AKAP8L: variants seen among roughly 807,000 people sequenced by gnomAD.
AKAP8L encodes the protein A-kinase anchoring protein 8 like, also known as A-kinase anchor protein 8-like.
AKAP8L carries 34 observed loss-of-function variants against 77.5 expected under a neutral mutation model. The observed-to-expected ratio is 0.44, with a 90% confidence interval of 0.33 to 0.58. The LOEUF is 0.58. AKAP8L is among the 20% of genes least tolerant of loss of function. The pLI, the probability that AKAP8L is intolerant of heterozygous loss-of-function variation, is 0.02. For missense variants in AKAP8L, 806 were observed against 887.6 expected, an observed-to-expected ratio of 0.91 and a Z score of 1.17; for synonymous variants, 342 against 340.7, an observed-to-expected ratio of 1.00 and a Z score of -0.04.
At chr19:15,409,596 C>T (rs549338851) in intron 2 of AKAP8L, among the ~76,000 whole-genome samples, 1 of 152,156 alleles carries the variant, frequency 6.6e-6, no homozygotes, top group Non-Finnish European at 1.5e-5. Flanking sequence ...GACATTATCC[C>T]TGTTAATTCC....
intron 12 of AKAP8L, among the ~76,000 whole-genome samples, chr19:15,388,128 G>C (rs1406299311): frequency 6.6e-6 from 1 of 152,052 alleles, no homozygotes; most frequent in Non-Finnish European, 1.5e-5. Flanking sequence ...GAAAAAGAGC[G>C]AGCCCATGGC....
In AKAP8L at chr19:15,398,803, G is replaced by C; in HGVS notation, c.1157+499C>G. The C allele has an allele frequency of 9.9e-7, 1 of 1,005,776 alleles. No individual in the cohort carries two copies. Among genetic ancestry groups the C allele is most frequent in the Non-Finnish European group, 1.2e-6 (1 of 842,584 alleles). 62.3% of individuals were successfully genotyped at this position (1,005,776 alleles called of 1,614,324 possible). On this transcript the variant is annotated intron_variant, in intron 9 of 13. Coordinates refer to ENST00000397410, the MANE Select transcript of AKAP8L (RefSeq NM_014371.4). The surrounding 1 kb of genome is among the most constrained non-coding windows in gnomAD (Gnocchi z 9.2). Reference sequence around the variant, plus strand: ...CAGACCCGACCAAGGGGCGTGAAGGGCTCAGCCGCAGACAGGCCCGGCCTG... The same window carrying C: ...CAGACCCGACCAAGGGGCGTGAAGGCCTCAGCCGCAGACAGGCCCGGCCTG...
intron 2 of AKAP8L, among the ~76,000 whole-genome samples, chr19:15,406,362 G>GGCGAGAGA (rs1555700853): frequency 1.1e-5 from 1 of 89,380 alleles, no homozygotes; most frequent in Non-Finnish European, 2.1e-5. Flanking sequence ...GAAATTTTAA[G>GGCGAGAGA]GAGAGAGAGA....
intron 1 of AKAP8L, among the ~76,000 whole-genome samples, chr19:15,412,940 C>A (rs1397491860): frequency 1.3e-5 from 2 of 152,200 alleles, no homozygotes; most frequent in East Asian, 1.9e-4. Flanking sequence ...CAACTCATGA[C>A]CTGAAAATTA....
At position 15,397,182 on chromosome 19, in the gene AKAP8L, G is replaced by T; in HGVS notation, c.1504C>A (p.Leu502Met). 1 of 1,613,972 alleles carries T rather than the reference G, an allele frequency of 6.2e-7. No homozygotes were observed. The highest frequency in any genetic ancestry group is 8.5e-7 in the Non-Finnish European group (1 of 1,179,898). The change falls in exon 12 of 14, where the codon CTG becomes ATG. Residue 502 changes from leucine (L) to methionine (M), a missense_variant. This residue lies in a region of AKAP8L where 580 missense variants were observed against 694.1 expected (regional missense o/e 0.84). Coordinates refer to ENST00000397410, the MANE Select transcript of AKAP8L (RefSeq NM_014371.4). This position sits in a 1 kb window ranked among gnomAD's most constrained non-coding sequence, Gnocchi z 4.7. ...PMQFGIIQKH[L>M]KTMDHNRNRR... ...TTCCGGTTGTGATCCATGGTCTTCA[G>T]ATGCTTCTGGATGATCCCAAACTGC...
Position 15,397,467 on chromosome 19 carries a change from A to G in AKAP8L, c.1405+53T>C. ...GTGTCCTGACCCTGCACCGAAAATCAGGAGTGCAGGCTGAGGCCTTGCCTG... is the reference window on the plus strand; with the variant it reads ...GTGTCCTGACCCTGCACCGAAAATCGGGAGTGCAGGCTGAGGCCTTGCCTG... On this transcript the variant is annotated intron_variant, in intron 11 of 13. Coordinates refer to ENST00000397410, the MANE Select transcript of AKAP8L (RefSeq NM_014371.4). The surrounding 1 kb of genome is among the most constrained non-coding windows in gnomAD (Gnocchi z 4.7). 6.5e-7 allele frequency: 1 copy of G among 1,544,192 alleles called. No individual in the cohort carries two copies. Among genetic ancestry groups the G allele is most frequent in the East Asian group, 2.3e-5 (1 of 44,398 alleles).
rs1967841813 is a variant in AKAP8L at position 15,399,325 on chromosome 19, C to A, written c.1134G>T (p.Arg378=). Residue 378 remains arginine (R), a synonymous_variant, in exon 9 of 14, where the codon CGG becomes CGT. Transcript: ENST00000397410. This position sits in a 1 kb window ranked among gnomAD's most constrained non-coding sequence, Gnocchi z 6.1. The part of the protein sequence containing the change: ...GKKSQDKQKK[R]QRDRMVERIQ... ...ACCTTTCCACCATGCGGTCTCGCTG[C>A]CGCTTTTTCTGCTTGTCCTGACTCT... The A allele has an allele frequency of 6.2e-7, 1 of 1,613,768 alleles. No homozygotes were observed. Among genetic ancestry groups the A allele is most frequent in the Non-Finnish European group, 8.5e-7 (1 of 1,179,838 alleles).
At chr19:15,392,039 G>A (rs1967674363) in intron 12 of AKAP8L, among the ~76,000 whole-genome samples, 1 of 152,164 alleles carries the variant, frequency 6.6e-6, no homozygotes, top group Non-Finnish European at 1.5e-5. Context: ...TCACTATGTT[G>A]CCCATGCTGG....
At chr19:15,380,870 C>T (rs1689051335) in intron 12 of AKAP8L, 1 of 500,846 alleles carries the variant, frequency 2.0e-6, no homozygotes, top group Non-Finnish European at 3.6e-6. Context: ...GGCTGTATTA[C>T]AGAAATCTGA....
At position 15,418,970 on chromosome 19, in the gene AKAP8L, G is replaced by A. The variant is rs767183355; in HGVS notation, c.-47C>T. The A allele has an allele frequency of 1.1e-5, 17 of 1,603,094 alleles. No homozygotes were observed. Among genetic ancestry groups the A allele is most frequent in the Non-Finnish European group, 1.4e-5 (17 of 1,179,150 alleles). On this transcript the variant is annotated 5_prime_UTR_variant, in exon 1 of 14. Transcript: ENST00000397410. ...CGACGACGCCGGCTTCTGCTGCTCT[G>A]AACATCCGACGCTGCGATAGCTGCT...
intron 12 of AKAP8L, 80 bp from the exon 13 acceptor site, chr19:15,380,692 G>T: frequency 1.5e-6 from 2 of 1,374,692 alleles, no homozygotes; most frequent in Non-Finnish European, 1.0e-6. Context: ...CAGCTTAGAG[G>T]GACCCCACCC....
At chr19:15,411,803 A>G (rs569298248) in intron 1 of AKAP8L, among the ~76,000 whole-genome samples, 53 of 152,292 alleles carry the variant, frequency 3.5e-4, no homozygotes, top group African/African-American at 1.1e-3. Context: ...CTGTACTCAC[A>G]GTACTTTGGG....
intron 2 of AKAP8L, among the ~76,000 whole-genome samples, chr19:15,406,131 G>A (rs878970447): frequency 6.6e-6 from 1 of 152,002 alleles, no homozygotes; most frequent in Non-Finnish European, 1.5e-5. Flanking sequence ...GGCCTCCCAC[G>A]ATGGGCAACT....
intron 2 of AKAP8L, among the ~76,000 whole-genome samples, chr19:15,408,215 T>C (rs7246395): frequency 0.8 from 120,915 of 152,048 alleles, 48,323 homozygotes; most frequent in East Asian, 0.99. Flanking sequence ...AGTCCAGAAA[T>C]AGACCCACAG....
At chr19:15,395,938 C>G (rs1311094665) in intron 12 of AKAP8L, among the ~76,000 whole-genome samples, 1 of 124,690 alleles carries the variant, frequency 8.0e-6, no homozygotes, top group African/African-American at 3.1e-5. Context: ...GAGCCGAGAT[C>G]GCGCCACTGC....
chr19:15,416,629 C>T (rs906531108), intron 1 of AKAP8L, among the ~76,000 whole-genome samples: 2 of 152,182 alleles, frequency 1.3e-5, no homozygotes, highest in South Asian at 2.1e-4. Flanking sequence ...AGTGAAATCA[C>T]CTATCCATTC....
chr19:15,380,407 G>T lies in AKAP8L; in HGVS notation c.1656C>A (p.Ser552Arg), dbSNP rs1425222189. The T allele has an allele frequency of 6.3e-7, 1 of 1,596,896 alleles. No homozygotes were observed. Among genetic ancestry groups the T allele is most frequent in the Middle Eastern group, 1.7e-4 (1 of 6,044 alleles). Residue 552 changes from serine to arginine, a missense_variant, in exon 14 of 14, where the codon AGC becomes AGA. Around this residue, in one of 2 missense-constraint regions of AKAP8L, gnomAD observed 226 missense variants for 193.5 expected, o/e 1.17. Transcript: ENST00000397410. ...YLKGENPFTDSPEEEKEQEEA... is the reference protein window; with the variant it reads ...YLKGENPFTDRPEEEKEQEEA... ...CCTCCTGCTCCTTCTCCTCCTCGGG[G>T]CTGTCGGTGAAAGGGTTCTCGCCCT... is the stretch of plus-strand genomic sequence containing the variant.
At chr19:15,415,897 C>CA (rs60781424) in intron 1 of AKAP8L, among the ~76,000 whole-genome samples, 2 of 149,404 alleles carry the variant, frequency 1.3e-5, no homozygotes, top group Non-Finnish European at 3.0e-5. Flanking sequence ...AAAAAAAAAA[C>CA]AAAAAAAAAA....
intron 12 of AKAP8L, among the ~76,000 whole-genome samples, chr19:15,386,808 G>A (rs1380075515): frequency 2.0e-5 from 3 of 152,104 alleles, no homozygotes; most frequent in South Asian, 2.1e-4. Flanking sequence ...ACAAGTGCCC[G>A]CCACCAAGCC....
Sources: allele counts gnomAD v4.1 joint callset (sites outside exome capture counted in the v4.1 genomes callset), GRCh38; gene constraint gnomAD v4.1.1; regional missense constraint gnomAD v4.1.1; non-coding constraint Gnocchi (gnomAD v3.1); transcripts MANE v1.5; gene names NCBI Gene and HGNC (gene_info 2026-07-23, HGNC 2026-07-21).